Variants in DLGAP2 observed in about 807,000 individuals in gnomAD.
DLGAP2 encodes the protein DLG associated protein 2.
In DLGAP2, 26 loss-of-function variants were observed where a neutral mutation model predicts 100.3. That is an observed-to-expected ratio of 0.26 (90% CI 0.19 to 0.36). The LOEUF is 0.36. Among genes scored for constraint, DLGAP2 ranks in the 10% least tolerant of loss-of-function variants. The probability of loss-of-function intolerance (pLI) is 1.00; values close to 1 mark genes in which losing one functional copy is unlikely to be tolerated. For synonymous variants in DLGAP2, 886 were observed against 630.1 expected, an observed-to-expected ratio of 1.41 and a Z score of -6.08; for missense variants, 1,858 against 1,453.2, an observed-to-expected ratio of 1.28 and a Z score of -4.53.
At chr8:1,432,126 T>C (rs1307727659) in intron 3 of DLGAP2, among the ~76,000 whole-genome samples, 4 of 152,210 alleles carry the variant, frequency 2.6e-5, no homozygotes, top group African/African-American at 7.2e-5. Context: ...ACTCTGGCGT[T>C]TGATCATTCG....
chr8:1,592,065 C>G (rs1285125865), intron 6 of DLGAP2, among the ~76,000 whole-genome samples: 5 of 152,156 alleles, frequency 3.3e-5, no homozygotes, highest in Non-Finnish European at 5.9e-5. Context: ...TCATTTATCC[C>G]TTATCCACCA....
At position 759,180 on chromosome 8, in the gene DLGAP2, A is replaced by G. The variant is rs1358367189; in HGVS notation, c.18+21355A>G. 7.5e-5 allele frequency among the ~76,000 whole-genome samples: 8 copies of G among 106,934 alleles called. No individual in the cohort carries two copies. The East Asian group carries it at 1.9e-3, about 26-fold the overall frequency. The allele number at this position is 106,934 out of a possible 152,430, so 70.2% of individuals were successfully genotyped here. ...ACCCCCCACAGCCTTCCCGTTATCA[A>G]TACCCCCGACAGCCTTCCCATTATC... On this transcript the variant is annotated intron_variant, in intron 1 of 14. Coordinates refer to ENST00000637795, the MANE Select transcript of DLGAP2 (RefSeq NM_001346810.2).
chr8:1,317,550 A>C (rs1433521510), intron 3 of DLGAP2, among the ~76,000 whole-genome samples: 5 of 136,682 alleles, frequency 3.7e-5, no homozygotes, highest in Non-Finnish European at 3.1e-5. Flanking sequence ...GCGTGTCTCC[A>C]ACAGTGGTCT....
At chr8:1,424,519 C>T (rs143056880) in intron 3 of DLGAP2, among the ~76,000 whole-genome samples, 275 of 152,334 alleles carry the variant, frequency 1.8e-3, no homozygotes, top group African/African-American at 5.7e-3. Flanking sequence ...ACACATCCTA[C>T]GACTTGGGTG....
At chr8:1,679,828 A>G (rs1798901180) in intron 12 of DLGAP2, among the ~76,000 whole-genome samples, 1 of 152,074 alleles carries the variant, frequency 6.6e-6, no homozygotes, top group Non-Finnish European at 1.5e-5. Context: ...CCAAAAATTC[A>G]AATGAGCCAG....
At chr8:894,541 A>G (rs1239798937) in intron 1 of DLGAP2, among the ~76,000 whole-genome samples, 1 of 149,830 alleles carries the variant, frequency 6.7e-6, no homozygotes, top group Non-Finnish European at 1.5e-5. Flanking sequence ...AGCACAGCTG[A>G]TCTCACTCAC....
At chr8:1,485,674 C>G (rs1799218280) in intron 3 of DLGAP2, among the ~76,000 whole-genome samples, 3 of 152,208 alleles carry the variant, frequency 2.0e-5, no homozygotes, top group South Asian at 4.1e-4. Flanking sequence ...AGCGCTGCCC[C>G]TACTTGACAG....
intron 2 of DLGAP2, among the ~76,000 whole-genome samples, chr8:1,195,564 C>G (rs1797733272): frequency 6.6e-6 from 1 of 152,170 alleles, no homozygotes; most frequent in African/African-American, 2.4e-5. Context: ...TAAAAATAGT[C>G]TTTTAAAAAC....
At position 1,372,814 on chromosome 8, in the gene DLGAP2, G is replaced by A. The variant is rs547995740; in HGVS notation, c.106+113931G>A. 2.6e-5 allele frequency among the ~76,000 whole-genome samples: 4 copies of A among 152,302 alleles called. No individual in the cohort carries two copies. The South Asian group carries it at 8.3e-4, about 32-fold the overall frequency. On this transcript the variant is annotated intron_variant, in intron 3 of 14. Transcript: ENST00000637795. ...GTATATTTTCCCAAGCGAACATGGC[G>A]TTAGATACAGCCACATCAAATTCAT...
At chr8:1,364,400 G>T (rs1802058324) in intron 3 of DLGAP2, among the ~76,000 whole-genome samples, 1 of 151,718 alleles carries the variant, frequency 6.6e-6, no homozygotes, top group Non-Finnish European at 1.5e-5. Flanking sequence ...CTCCTGCTGT[G>T]GGCAGGCCTG....
At chr8:1,391,109 A>C (rs1213814655) in intron 3 of DLGAP2, among the ~76,000 whole-genome samples, 2 of 152,238 alleles carry the variant, frequency 1.3e-5, no homozygotes, top group Admixed American at 6.5e-5. Context: ...TTCCAAGAGT[A>C]GGAAGAAGCT....
intron 3 of DLGAP2, among the ~76,000 whole-genome samples, chr8:1,409,299 C>T (rs11988937): frequency 0.045 from 6,346 of 139,752 alleles, 452 homozygotes; most frequent in African/African-American, 0.15. Context: ...CAACTGGAAC[C>T]AACCAGTTCC....
intron 2 of DLGAP2, among the ~76,000 whole-genome samples, chr8:1,216,783 T>G (rs1363656839): frequency 6.6e-6 from 1 of 152,196 alleles, no homozygotes; most frequent in East Asian, 1.9e-4. Flanking sequence ...CTCAGATTTT[T>G]CTGAATCTGT....
chr8:848,406 G>A (rs1797113073), intron 1 of DLGAP2, among the ~76,000 whole-genome samples: 3 of 111,046 alleles, frequency 2.7e-5, no homozygotes, highest in Non-Finnish European at 4.0e-5. Flanking sequence ...GTGTAGGGTC[G>A]TGCGGTGCCT....
At chr8:1,563,874 T>C (rs1802282618) in intron 5 of DLGAP2, among the ~76,000 whole-genome samples, 1 of 152,160 alleles carries the variant, frequency 6.6e-6, no homozygotes, top group Non-Finnish European at 1.5e-5. Context: ...ACTGGAAAGA[T>C]GGCAGGTTCC....
chr8:1,032,505 A>G (rs1175302516), intron 2 of DLGAP2: 1 of 152,260 alleles, frequency 6.6e-6, no homozygotes, highest in African/African-American at 2.4e-5. Flanking sequence ...TGTTGGCTAC[A>G]TATTACAGGA....
chr8:1,549,563 C>T lies in DLGAP2; in HGVS notation c.1110C>T (p.Ser370=), dbSNP rs1178117809. The T allele has an allele frequency of 2.5e-6, 4 of 1,612,886 alleles. No homozygotes were observed. In the Admixed American group the frequency reaches 6.7e-5, roughly 27 times the overall value. ...ACGCCAAGTACCTGAAGCGCAGCTC[C>T]TGGTCTACGCTGACGGTCAGCCAGG... ...TPDAKYLKRS[S]WSTLTVSQAK... The change falls in exon 5 of 15, where the codon TCC becomes TCT. Residue 370 remains serine (S), a synonymous_variant. Coordinates refer to ENST00000637795, the MANE Select transcript of DLGAP2 (RefSeq NM_001346810.2).
chr8:846,216 A>G (rs556774777), intron 1 of DLGAP2, among the ~76,000 whole-genome samples: 123 of 152,316 alleles, frequency 8.1e-4, no homozygotes, highest in Non-Finnish European at 1.5e-3. Context: ...TCCACTGTGC[A>G]ACAGACCACC....
intron 2 of DLGAP2, among the ~76,000 whole-genome samples, chr8:997,203 C>T (rs570247375): frequency 3.3e-4 from 50 of 152,284 alleles, no homozygotes; most frequent in African/African-American, 1.2e-3. Flanking sequence ...CAACAGCATG[C>T]TTTGGGAACT....
Sources: gnomAD v4.1 joint callset for allele counts (sites outside exome capture counted in the v4.1 genomes callset) on GRCh38, gnomAD v4.1.1 for gene constraint, MANE v1.5 for transcripts, NCBI Gene and HGNC (gene_info 2026-07-23, HGNC 2026-07-21) for gene names.